Variants in NOL4 observed in about 807,000 individuals in gnomAD.
NOL4 encodes the protein nucleolar protein 4.
Under a neutral mutation model 75.9 loss-of-function variants are expected in NOL4, and 17 were observed. The observed-to-expected ratio is 0.22, with a 90% confidence interval of 0.15 to 0.34. NOL4 has a LOEUF of 0.34. Among genes scored for constraint, NOL4 ranks in the 10% least tolerant of loss-of-function variants. The pLI is 1.00. For synonymous variants in NOL4, 292 were observed against 289.9 expected (o/e 1.01, Z -0.07); for missense variants, 614 against 793.5 (o/e 0.77, Z 2.72).
intron 9 of NOL4, among the ~76,000 whole-genome samples, chr18:33,897,001 G>C (rs983334029): frequency 6.6e-6 from 1 of 151,934 alleles, no homozygotes; most frequent in South Asian, 2.1e-4. Flanking sequence ...CGGCCAGTAA[G>C]CATACGAAAA....
intron 2 of NOL4, chr18:34,121,399 C>T (rs1345680032): frequency 1.3e-5 from 2 of 152,200 alleles, no homozygotes; most frequent in East Asian, 1.9e-4. Flanking sequence ...TCTGTTGCAA[C>T]TCCCCTTGTT....
In NOL4 at chr18:34,054,067, T is replaced by C. The variant is rs548206491; in HGVS notation, c.773-34466A>G. Reference sequence around the variant, plus strand: ...CAAGCAAATTCTCACATAATTATTTTTAAATGCTAGATAGTTGGTATAATT... The same window carrying C: ...CAAGCAAATTCTCACATAATTATTTCTAAATGCTAGATAGTTGGTATAATT... On this transcript the variant is annotated intron_variant, in intron 5 of 10. Coordinates refer to ENST00000261592, the MANE Select transcript of NOL4 (RefSeq NM_003787.5). Among the ~76,000 whole-genome samples the C allele has an allele frequency of 3.3e-5, 5 of 152,118 alleles. No homozygotes were observed. In the East Asian group the frequency reaches 9.7e-4, roughly 29 times the overall value.
chr18:34,119,680 G>C (rs2080034320), intron 2 of NOL4, among the ~76,000 whole-genome samples: 1 of 152,160 alleles, frequency 6.6e-6, no homozygotes, highest in Admixed American at 6.5e-5. Flanking sequence ...GGAGTGCAGT[G>C]GCGCGATCTC....
At chr18:33,875,078 A>T (rs1245853450) in intron 10 of NOL4, among the ~76,000 whole-genome samples, 1 of 152,178 alleles carries the variant, frequency 6.6e-6, no homozygotes, top group East Asian at 1.9e-4. Context: ...TTGAAAAACA[A>T]ATTGAAAAGT....
chr18:33,931,562 C>T (rs942396287), intron 9 of NOL4, among the ~76,000 whole-genome samples: 4 of 151,834 alleles, frequency 2.6e-5, no homozygotes, highest in Non-Finnish European at 4.4e-5. Context: ...AAGATCCTGT[C>T]TCTAAATTTT....
chr18:34,189,311 A>G (rs1365389785), intron 1 of NOL4, among the ~76,000 whole-genome samples: 1 of 152,052 alleles, frequency 6.6e-6, no homozygotes, highest in African/African-American at 2.4e-5. Context: ...ATACTCGCTC[A>G]CTCCCTAAGA....
chr18:33,985,277 C>T (rs1036916366), intron 6 of NOL4, among the ~76,000 whole-genome samples: 1 of 152,094 alleles, frequency 6.6e-6, no homozygotes. Flanking sequence ...ATGTTTTCGA[C>T]ACCTGAGGAA....
intron 10 of NOL4, 53 bp downstream of exon 10, chr18:33,883,191 A>C: frequency 1.4e-6 from 2 of 1,409,980 alleles, no homozygotes; most frequent in Non-Finnish European, 1.9e-6. Context: ...ATGTACCCTA[A>C]AACTTAAAGT....
At chr18:33,915,990 C>G (rs1380038565) in intron 9 of NOL4, among the ~76,000 whole-genome samples, 1 of 152,110 alleles carries the variant, frequency 6.6e-6, no homozygotes, top group Non-Finnish European at 1.5e-5. Flanking sequence ...TGAGTTCCAA[C>G]ATTATCGAGT....
chr18:34,107,438 C>T (rs1175141372), intron 2 of NOL4, among the ~76,000 whole-genome samples: 1 of 151,924 alleles, frequency 6.6e-6, no homozygotes, highest in Non-Finnish European at 1.5e-5. Flanking sequence ...ATGTCACTAT[C>T]TATTACATAA....
intron 9 of NOL4, among the ~76,000 whole-genome samples, chr18:33,931,257 C>T (rs539282791): frequency 1.6e-4 from 24 of 152,106 alleles, no homozygotes; most frequent in Admixed American, 9.2e-4. Context: ...TTAGACTATT[C>T]GGTCCATAGC....
At chr18:33,881,679 T>G (rs1418694650) in intron 10 of NOL4, among the ~76,000 whole-genome samples, 1 of 152,140 alleles carries the variant, frequency 6.6e-6, no homozygotes, top group Admixed American at 6.6e-5. Flanking sequence ...ACCAATGCCT[T>G]TCTTCACAGA....
chr18:33,868,649 T>TCA (rs10669407), intron 10 of NOL4, among the ~76,000 whole-genome samples: 53,751 of 137,630 alleles, frequency 0.39, 10,117 homozygotes, highest in East Asian at 0.47. Flanking sequence ...TTCCTGTATT[T>TCA]CACACACACA....
intron 9 of NOL4, among the ~76,000 whole-genome samples, chr18:33,919,207 C>G (rs557595596): frequency 1.3e-5 from 2 of 152,216 alleles, no homozygotes; most frequent in South Asian, 4.1e-4. Context: ...TAGCACAGCT[C>G]CCGGCACTCT....
intron 6 of NOL4, among the ~76,000 whole-genome samples, chr18:33,978,522 T>C (rs932777141): frequency 8.7e-4 from 133 of 152,260 alleles, no homozygotes; most frequent in African/African-American, 3.0e-3. Context: ...TGAAATTCCT[T>C]GAGGAATTAT....
intron 5 of NOL4, among the ~76,000 whole-genome samples, chr18:34,055,182 C>T (rs1568281425): frequency 6.6e-6 from 1 of 151,494 alleles, no homozygotes; most frequent in Non-Finnish European, 1.5e-5. Flanking sequence ...AATTTGTGCA[C>T]CAAAATTATA....
intron 5 of NOL4, among the ~76,000 whole-genome samples, chr18:34,062,044 A>T (rs1254028362): frequency 1.3e-5 from 2 of 152,064 alleles, no homozygotes; most frequent in Non-Finnish European, 1.5e-5. Context: ...AGGAGCACAG[A>T]TAAAAGTGAG....
chr18:34,063,127 A>T (rs1232700746), intron 5 of NOL4, among the ~76,000 whole-genome samples: 1 of 152,042 alleles, frequency 6.6e-6, no homozygotes, highest in Non-Finnish European at 1.5e-5. Context: ...GTATGGATGA[A>T]AGATGAAAAA....
At chr18:33,959,915 G>A (rs932350889) in intron 6 of NOL4, among the ~76,000 whole-genome samples, 7 of 151,594 alleles carry the variant, frequency 4.6e-5, no homozygotes, top group African/African-American at 9.7e-5. Context: ...TTTTCTCCTC[G>A]ATATGAAGTT....
Sources: gnomAD v4.1 joint callset for allele counts (sites outside exome capture counted in the v4.1 genomes callset) on GRCh38, gnomAD v4.1.1 for gene constraint, MANE v1.5 for transcripts, NCBI Gene and HGNC (gene_info 2026-07-23, HGNC 2026-07-21) for gene names.